Variants in FRMD6 observed in about 807,000 individuals in gnomAD.
FRMD6 encodes FERM domain containing 6, also known as FERM domain-containing protein 6.
In FRMD6, 37 loss-of-function variants were observed where a neutral mutation model predicts 73.2. That is an observed-to-expected ratio of 0.51 (90% CI 0.39 to 0.66). The LOEUF is 0.66. FRMD6 is among the 30% of genes least tolerant of loss of function. The probability of loss-of-function intolerance (pLI) is 0.00; values close to 1 mark genes in which losing one functional copy is unlikely to be tolerated. For synonymous variants in FRMD6, 273 were observed against 282.2 expected (o/e 0.97, Z 0.33); for missense variants, 714 against 780.5 (o/e 0.91, Z 1.02).
At chr14:51,471,950 T>G in the FRMD6 span, among the ~76,000 whole-genome samples, 1 of 152,194 alleles carries the variant, frequency 6.6e-6, no homozygotes, top group African/African-American at 2.4e-5. Context: ...GCCTCTGCCA[T>G]GTGAGGACAC....
At chr14:51,686,095 C>A (rs553958308) in intron 1 of FRMD6, among the ~76,000 whole-genome samples, 1 of 152,048 alleles carries the variant, frequency 6.6e-6, no homozygotes, top group Non-Finnish European at 1.5e-5. Context: ...TCCTCCTTTG[C>A]CTACATTCAA....
intron 1 of FRMD6, among the ~76,000 whole-genome samples, chr14:51,522,599 C>T (rs1885011627): frequency 6.6e-6 from 1 of 152,146 alleles, no homozygotes; most frequent in Admixed American, 6.6e-5. Flanking sequence ...ATTTAAAAGT[C>T]AGTCATGTGT....
At chr14:51,487,112 A>G (rs961957233), upstream of FRMD6, among the ~76,000 whole-genome samples, 1 of 152,132 alleles carries the variant, frequency 6.6e-6, no homozygotes, top group Non-Finnish European at 1.5e-5. Context: ...GGTGGTCCCA[A>G]TGAATGCTCA....
At chr14:51,522,280 T>C (rs1038721110) in intron 1 of FRMD6, among the ~76,000 whole-genome samples, 5 of 152,184 alleles carry the variant, frequency 3.3e-5, no homozygotes, top group African/African-American at 1.2e-4. Context: ...CTCAAAATTT[T>C]TGGGTTATGA....
chr14:51,652,550 A>T (rs1892498370), intron 1 of FRMD6, among the ~76,000 whole-genome samples: 1 of 152,178 alleles, frequency 6.6e-6, no homozygotes, highest in African/African-American at 2.4e-5. Flanking sequence ...CAGAGGCCGG[A>T]CAGCCCGGCT....
chr14:51,460,164 A>G, the FRMD6 span, among the ~76,000 whole-genome samples: 1 of 152,140 alleles, frequency 6.6e-6, no homozygotes, highest in African/African-American at 2.4e-5. Flanking sequence ...TGTTGGGAAT[A>G]TGTTGGAGAA....
chr14:51,408,927 C>T, the FRMD6 span, among the ~76,000 whole-genome samples: 22 of 152,218 alleles, frequency 1.4e-4, no homozygotes, highest in Admixed American at 2.6e-4. Flanking sequence ...CTACAAACTT[C>T]GAACACTTTA....
At chr14:51,616,753 T>C (rs566542074) in intron 2 of FRMD6, among the ~76,000 whole-genome samples, 3 of 152,262 alleles carry the variant, frequency 2.0e-5, no homozygotes, top group Non-Finnish European at 2.9e-5. Context: ...AGTTCCACCA[T>C]AATCCTATAT....
At chr14:51,428,887 T>A in the FRMD6 span, among the ~76,000 whole-genome samples, 6 of 148,728 alleles carry the variant, frequency 4.0e-5, no homozygotes, top group African/African-American at 1.5e-4. Flanking sequence ...ATGTGAAGAC[T>A]ATGAAGATAT....
chr14:51,582,978 T>G (rs947738345), intron 2 of FRMD6, among the ~76,000 whole-genome samples: 1 of 152,220 alleles, frequency 6.6e-6, no homozygotes, highest in Non-Finnish European at 1.5e-5. Context: ...ACACATAGTT[T>G]TTACTTTCTC....
the FRMD6 span, among the ~76,000 whole-genome samples, chr14:51,469,639 A>G: frequency 6.9e-6 from 1 of 144,384 alleles, no homozygotes; most frequent in African/African-American, 2.5e-5. Flanking sequence ...AAAAAAAAAA[A>G]GCTACTTTGC....
chr14:51,697,962 G>A (rs1896054593), intron 2 of FRMD6, 180 bp from the exon 3 acceptor site: 2 of 527,346 alleles, frequency 3.8e-6, no homozygotes, highest in East Asian at 6.2e-5. Flanking sequence ...CTGGTACTGT[G>A]ATCATCATTA....
At chr14:51,713,007 C>T (rs1308230289) in intron 9 of FRMD6, among the ~76,000 whole-genome samples, 6 of 152,168 alleles carry the variant, frequency 3.9e-5, no homozygotes, top group Admixed American at 3.3e-4. Flanking sequence ...CAGTTCTTAA[C>T]ATGAAAAATA....
intron 2 of FRMD6, among the ~76,000 whole-genome samples, chr14:51,602,855 C>T (rs1426631210): frequency 6.6e-6 from 1 of 152,114 alleles, no homozygotes; most frequent in Non-Finnish European, 1.5e-5. Flanking sequence ...TATTAACATT[C>T]AAAGAAACAA....
At chr14:51,636,773 C>T (rs925005169) in intron 2 of FRMD6, among the ~76,000 whole-genome samples, 1 of 152,022 alleles carries the variant, frequency 6.6e-6, no homozygotes, top group Non-Finnish European at 1.5e-5. Context: ...TTTATAGGTC[C>T]CCATTAAGCA....
At chr14:51,543,185 A>G (rs373532886) in intron 1 of FRMD6, among the ~76,000 whole-genome samples, 37 of 152,164 alleles carry the variant, frequency 2.4e-4, no homozygotes, top group Middle Eastern at 3.4e-3. Flanking sequence ...AAAACAACTA[A>G]TCTTGCACTG....
the FRMD6 span, among the ~76,000 whole-genome samples, chr14:51,458,993 A>G: frequency 1.8e-3 from 268 of 152,202 alleles, 3 homozygotes; most frequent in Non-Finnish European, 2.0e-3. Flanking sequence ...TGGACTAACA[A>G]CCCCATCCCT....
intron 1 of FRMD6, among the ~76,000 whole-genome samples, chr14:51,529,508 G>A (rs1449558975): frequency 1.3e-5 from 2 of 152,066 alleles, no homozygotes; most frequent in African/African-American, 2.4e-5. Flanking sequence ...TATTGTTCAG[G>A]CACTGTGCTG....
chr14:51,488,093 A>C (rs1262709901), upstream of FRMD6, among the ~76,000 whole-genome samples: 12 of 152,330 alleles, frequency 7.9e-5, no homozygotes. Context: ...TAGGGTGGCC[A>C]CCAGCAGCCC....
Sources: allele counts gnomAD v4.1 joint callset (sites outside exome capture counted in the v4.1 genomes callset), GRCh38; gene constraint gnomAD v4.1.1; transcripts MANE v1.5; gene names NCBI Gene and HGNC (gene_info 2026-07-23, HGNC 2026-07-21).